Variants in TM9SF3 observed in about 807,000 individuals in gnomAD.
TM9SF3 encodes the protein transmembrane 9 superfamily member 3.
A neutral mutation model predicts 78.6 loss-of-function variants in TM9SF3; 14 were observed. That is an observed-to-expected ratio of 0.18 (90% confidence interval 0.12 to 0.28). The LOEUF (loss-of-function observed/expected upper bound fraction) is 0.28, where lower values mean the gene tolerates loss of function less well. Ranked by LOEUF, TM9SF3 falls within the 10% of genes least tolerant of loss-of-function variation. TM9SF3 has a pLI of 1.00. For missense variants in TM9SF3, 496 were observed against 721.9 expected (o/e 0.69, Z 3.59); for synonymous variants, 231 against 241.7 (o/e 0.96, Z 0.41).
intron 9 of TM9SF3, among the ~76,000 whole-genome samples, chr10:96,534,987 G>C (rs7899849): frequency 0.012 from 1,754 of 152,142 alleles, 32 homozygotes; most frequent in African/African-American, 0.038. Flanking sequence ...CCCAATTAAG[G>C]CCTGCACATA....
chr10:96,538,941 T>C (rs904935867), intron 9 of TM9SF3, among the ~76,000 whole-genome samples: 6 of 152,230 alleles, frequency 3.9e-5, no homozygotes, highest in African/African-American at 1.4e-4. Flanking sequence ...CAAAACTATT[T>C]TGGAAAAGTT....
At chr10:96,539,062 C>T (rs745343966) in intron 9 of TM9SF3, among the ~76,000 whole-genome samples, 1 of 152,150 alleles carries the variant, frequency 6.6e-6, no homozygotes, top group African/African-American at 2.4e-5. Context: ...CACATAAATA[C>T]AGTAACTTGA....
chr10:96,567,022 T>C lies in TM9SF3; in HGVS notation c.299-1596A>G, dbSNP rs1055007767. 5.3e-5 allele frequency among the ~76,000 whole-genome samples: 8 copies of C among 152,030 alleles called. 1 individual carries two copies. The highest frequency in any genetic ancestry group is 3.3e-4 in the Admixed American group (5 of 15,294). Reference sequence around the variant, plus strand: ...ATTCATTGATAATGGTCATTAACAATATGGTAGATTTAAGTAGGAAGCTCT... The same window carrying C: ...ATTCATTGATAATGGTCATTAACAACATGGTAGATTTAAGTAGGAAGCTCT... On this transcript the variant is annotated intron_variant, in intron 2 of 14. Coordinates refer to ENST00000371142, the MANE Select transcript of TM9SF3 (RefSeq NM_020123.4).
At chr10:96,547,422 T>A (rs186517035) in intron 8 of TM9SF3, among the ~76,000 whole-genome samples, 4 of 152,296 alleles carry the variant, frequency 2.6e-5, no homozygotes, top group African/African-American at 9.6e-5. Flanking sequence ...GATTATCTAC[T>A]AATTATTCAT....
In TM9SF3 at chr10:96,540,830, T is replaced by G. The variant is rs183974767; in HGVS notation, c.1185+3246A>C. On this transcript the variant is annotated intron_variant, in intron 9 of 14. Coordinates refer to ENST00000371142, the MANE Select transcript of TM9SF3 (RefSeq NM_020123.4). ...CTCACTCTTGTTGCCCAGGCTGGAG[T>G]GCAGTGGCACGATCTCAGCTCACTG... Among the ~76,000 whole-genome samples, 10 of 127,056 alleles carry G rather than the reference T, an allele frequency of 7.9e-5. No homozygotes were observed. The East Asian group carries it at 2.1e-3, about 27-fold the overall frequency. 83.4% of individuals were successfully genotyped at this position (127,056 alleles called of 152,430 possible).
intron 4 of TM9SF3, 123 bp from the exon 5 acceptor site, chr10:96,559,859 G>T: frequency 3.5e-6 from 2 of 578,234 alleles, no homozygotes; most frequent in Non-Finnish European, 3.0e-6. Flanking sequence ...GAGAAATGGA[G>T]GAAAGTTACT....
chr10:96,523,071 TTGAA>T (rs1453527672), intron 14 of TM9SF3, among the ~76,000 whole-genome samples: 1 of 151,894 alleles, frequency 6.6e-6, no homozygotes, highest in Non-Finnish European at 1.5e-5. Context: ...TAAATATTTG[TTGAA>T]TGAATGAATG....
At chr10:96,553,295 T>A (rs1349363324) in intron 5 of TM9SF3, among the ~76,000 whole-genome samples, 2 of 152,200 alleles carry the variant, frequency 1.3e-5, no homozygotes. Flanking sequence ...TTATATAAAT[T>A]TTCAAAATCA....
intron 1 of TM9SF3, among the ~76,000 whole-genome samples, chr10:96,578,394 A>T (rs1275240045): frequency 6.6e-6 from 1 of 152,224 alleles, no homozygotes; most frequent in Non-Finnish European, 1.5e-5. Flanking sequence ...TATTATAATT[A>T]AGGTAATAAA....
intron 3 of TM9SF3, among the ~76,000 whole-genome samples, chr10:96,564,668 T>G (rs940787034): frequency 6.6e-5 from 10 of 152,228 alleles, no homozygotes; most frequent in Non-Finnish European, 1.2e-4. Flanking sequence ...AACAGCAGAT[T>G]TCCAGAGACA....
rs980565056 is a variant in TM9SF3 at position 96,586,853 on chromosome 10, C to A, written c.-18G>T. ...GGCCTCATCCTCCGCGCCCCTCCGG[C>A]CCGGAGCCGGCTCACCGACTCCTCC... is the stretch of plus-strand genomic sequence containing the variant. On this transcript the variant is annotated 5_prime_UTR_variant, in exon 1 of 15. Transcript: ENST00000371142. 8 of 1,203,514 alleles carry A rather than the reference C, an allele frequency of 6.6e-6. No individual in the cohort carries two copies. The highest frequency in any genetic ancestry group is 7.2e-6 in the Non-Finnish European group (7 of 971,618). 74.6% of individuals were successfully genotyped at this position (1,203,514 alleles called of 1,614,324 possible).
intron 6 of TM9SF3, among the ~76,000 whole-genome samples, chr10:96,552,016 T>C (rs758482411): frequency 2.2e-4 from 33 of 152,202 alleles, no homozygotes; most frequent in Non-Finnish European, 4.4e-4. Context: ...TAAAACAATA[T>C]TTCCTAAGGA....
At chr10:96,545,650 G>A (rs1848088171) in intron 8 of TM9SF3, among the ~76,000 whole-genome samples, 2 of 152,136 alleles carry the variant, frequency 1.3e-5, no homozygotes, top group Admixed American at 6.6e-5. Context: ...AGCACTTTGG[G>A]AAGCTGAGGC....
intron 3 of TM9SF3, among the ~76,000 whole-genome samples, chr10:96,564,265 G>A (rs1848344949): frequency 6.6e-6 from 1 of 152,080 alleles, no homozygotes; most frequent in South Asian, 2.1e-4. Flanking sequence ...GCACAAACCT[G>A]TAAGCAAGGG....
intron 14 of TM9SF3, among the ~76,000 whole-genome samples, chr10:96,525,987 G>A (rs1394524542): frequency 6.6e-6 from 1 of 152,034 alleles, no homozygotes; most frequent in Non-Finnish European, 1.5e-5. Context: ...AGAGCAGAAG[G>A]AAGCCCAAGG....
intron 2 of TM9SF3, 124 bp from the exon 3 acceptor site, chr10:96,565,550 C>G (rs1041422630): frequency 9.1e-7 from 1 of 1,095,956 alleles, no homozygotes; most frequent in African/African-American, 1.7e-5. Flanking sequence ...ATAGCTGAAT[C>G]TGAGTGATAA....
intron 10 of TM9SF3, among the ~76,000 whole-genome samples, chr10:96,532,248 A>T (rs1257788202): frequency 2.6e-5 from 4 of 151,590 alleles, no homozygotes; most frequent in Non-Finnish European, 5.9e-5. Flanking sequence ...AATAAATAAA[A>T]TAATAAACTA....
chr10:96,574,489 T>C (rs546505814), intron 2 of TM9SF3, among the ~76,000 whole-genome samples: 1 of 152,176 alleles, frequency 6.6e-6, no homozygotes, highest in Non-Finnish European at 1.5e-5. Context: ...TGTAAATTAG[T>C]TCAACCATTG....
At chr10:96,560,214 C>T in intron 4 of TM9SF3, 1 of 1,006,584 alleles carries the variant, frequency 9.9e-7, no homozygotes, top group South Asian at 1.3e-5. Context: ...TGGACATGAG[C>T]CCCCTGAGGC....
Sources: gnomAD v4.1 joint callset for allele counts (sites outside exome capture counted in the v4.1 genomes callset) on GRCh38, gnomAD v4.1.1 for gene constraint, MANE v1.5 for transcripts, NCBI Gene and HGNC (gene_info 2026-07-23, HGNC 2026-07-21) for gene names.